The following DNASE1 variants were observed in gnomAD, a reference collection of about 807,000 sequenced individuals.
DNASE1 encodes deoxyribonuclease 1, also known as deoxyribonuclease-1.
Under a neutral mutation model 33.9 loss-of-function variants are expected in DNASE1, and 40 were observed. The observed-to-expected ratio is 1.18, with a 90% confidence interval of 0.92 to 1.54. The LOEUF is 1.54. DNASE1 is among the 40% of genes most tolerant of loss of function. The pLI is 0.00. For synonymous variants in DNASE1, 216 were observed against 160.0 expected, an observed-to-expected ratio of 1.35 and a Z score of -2.64; for missense variants, 518 against 372.6, an observed-to-expected ratio of 1.39 and a Z score of -3.21.
At position 3,655,262 on chromosome 16, in the gene DNASE1, CCT is replaced by C. The variant is rs912214846; in HGVS notation, c.-1-110_-1-109del. On this transcript the variant is annotated intron_variant, in intron 1 of 8. Transcript: ENST00000246949. Reference sequence around the variant, plus strand: ...AAAGGGTTTCCCCCGCCTGCGTCCCCCTGACCTTGAGCTCCACCAGCCCCTGC... The same window carrying C: ...AAAGGGTTTCCCCCGCCTGCGTCCCCGACCTTGAGCTCCACCAGCCCCTGC... The C allele has an allele frequency of 1.6e-4, 231 of 1,487,884 alleles. 3 individuals are homozygous for C. The Admixed American group carries it at 4.2e-3, about 27-fold the overall frequency. The allele number at this position is 1,487,884 out of a possible 1,614,324, so 92.2% of individuals were successfully genotyped here.
chr16:3,615,589 CAG>C (rs2041073200), intron 1 of DNASE1, among the ~76,000 whole-genome samples: 1 of 152,190 alleles, frequency 6.6e-6, no homozygotes. Context: ...AAGAAGATGT[CAG>C]ATACTAAAAG....
intron 1 of DNASE1, among the ~76,000 whole-genome samples, chr16:3,613,432 C>T (rs1424417107): frequency 1.3e-5 from 2 of 152,104 alleles, no homozygotes; most frequent in Non-Finnish European, 2.9e-5. Context: ...TATGAACATT[C>T]GTGTTCATAA....
chr16:3,638,649 T>A (rs2041947063), upstream of DNASE1, among the ~76,000 whole-genome samples: 1 of 152,216 alleles, frequency 6.6e-6, no homozygotes, highest in African/African-American at 2.4e-5. Context: ...CTGTTTGGGT[T>A]TTATTGACTT....
chr16:3,656,511 ATGGGT>A, intron 4 of DNASE1, 122 bp from the exon 5 acceptor site: 1 of 693,180 alleles, frequency 1.4e-6, no homozygotes, highest in Non-Finnish European at 2.6e-6. Flanking sequence ...TCCCGGACCA[ATGGGT>A]TGAGCAGGTG....
At chr16:3,627,450 A>T (rs890243774) in intron 1 of DNASE1, among the ~76,000 whole-genome samples, 1 of 150,846 alleles carries the variant, frequency 6.6e-6, no homozygotes. Flanking sequence ...TTTATTTTTT[A>T]TTTTTTTATA....
At position 3,643,591 on chromosome 16, in the gene DNASE1, C is replaced by T. The variant is rs79625067; in HGVS notation, c.-86+555C>T. On this transcript the variant is annotated intron_variant, in intron 1 of 9. Coordinates refer to the DNASE1 transcript ENST00000407479. ...TGTCGGGGGACATGTCCAGACCCTCCGCCCTTCTGTCACGCACAGTCCCTG... is the reference window on the plus strand; with the variant it reads ...TGTCGGGGGACATGTCCAGACCCTCTGCCCTTCTGTCACGCACAGTCCCTG... 3.5e-3 allele frequency among the ~76,000 whole-genome samples: 539 copies of T among 152,310 alleles called. 2 individuals carry two copies. Among genetic ancestry groups the T allele is most frequent in the African/African-American group, 0.012 (514 of 41,576 alleles).
chr16:3,627,914 T>C (rs2041566300), intron 1 of DNASE1, among the ~76,000 whole-genome samples: 2 of 139,408 alleles, frequency 1.4e-5, no homozygotes, highest in Non-Finnish European at 3.0e-5. Flanking sequence ...CATATGAATT[T>C]CAGCATGTAT....
At chr16:3,619,358 T>C (rs2041222300) in intron 1 of DNASE1, among the ~76,000 whole-genome samples, 1 of 142,596 alleles carries the variant, frequency 7.0e-6, no homozygotes, top group South Asian at 2.2e-4. Flanking sequence ...TCTTTCTTTC[T>C]TTTATTTTTT....
intron 1 of DNASE1, among the ~76,000 whole-genome samples, chr16:3,644,920 G>A (rs896500283): frequency 3.3e-5 from 5 of 151,700 alleles, no homozygotes; most frequent in Non-Finnish European, 7.4e-5. Context: ...CTTGGGCTTA[G>A]GAGTTCGAGA....
intron 2 of DNASE1, 108 bp from the exon 3 acceptor site, chr16:3,655,741 G>A (rs544765759): frequency 1.3e-4 from 196 of 1,473,910 alleles, no homozygotes; most frequent in South Asian, 1.2e-3. Context: ...ATGAGGCTGC[G>A]GTTAAACCGA....
In DNASE1 at chr16:3,657,926, C is replaced by G; in HGVS notation, c.822C>G (p.His274Gln). The change falls in exon 9 of 9, where the codon CAC (histidine) becomes CAG (glutamine). Residue 274 changes from histidine (H) to glutamine (Q), a missense_variant. His to Gln is a conservative substitution (Grantham distance 24). Coordinates refer to ENST00000246949, the MANE Select transcript of DNASE1 (RefSeq NM_005223.4). ...TGCAGGCCCAAGCCATCAGTGACCACTATCCAGTGGAGGTGATGCTGAAGT... is the reference window on the plus strand; with the variant it reads ...TGCAGGCCCAAGCCATCAGTGACCAGTATCCAGTGGAGGTGATGCTGAAGT... ...SDQLAQAISD[H>Q]YPVEVMLK The G allele has an allele frequency of 6.2e-7, 1 of 1,613,218 alleles. No homozygotes were observed. Among genetic ancestry groups the G allele is most frequent in the Non-Finnish European group, 8.5e-7 (1 of 1,179,186 alleles).
At chr16:3,658,315 C>G (rs117036567), downstream of DNASE1, 63,403 of 1,142,120 alleles carry the variant, frequency 0.056, 2,021 homozygotes, top group Admixed American at 0.062. Context: ...CTCACTGTTG[C>G]CGAGGCTGGA....
chr16:3,628,043 T>C (rs1186248844), intron 1 of DNASE1, among the ~76,000 whole-genome samples: 2 of 151,906 alleles, frequency 1.3e-5, no homozygotes, highest in Admixed American at 6.6e-5. Flanking sequence ...TATTAAGATA[T>C]CTTGTCTTAA....
chr16:3,655,969 G>A (rs1253379884), intron 3 of DNASE1, 32 bp downstream of exon 3: 2 of 1,613,594 alleles, frequency 1.2e-6, no homozygotes, highest in Middle Eastern at 1.6e-4. Flanking sequence ...ATAGGAAGGT[G>A]ACATCTCGTC....
At chr16:3,664,442 C>A in exon 10 of DNASE1, 4 of 1,611,504 alleles carry the variant, frequency 2.5e-6, no homozygotes. Context: ...CGTAGCGCAG[C>A]AGCTTTGCTA....
exon 10 of DNASE1, chr16:3,663,443 C>T (rs2050737434): frequency 6.2e-7 from 1 of 1,614,140 alleles, no homozygotes; most frequent in Non-Finnish European, 8.5e-7. Context: ...TGTCCTCAAA[C>T]TTCTCCTCCT....
Position 3,655,523 on chromosome 16 carries a change from G to A in DNASE1, c.147+3G>A, listed in dbSNP as rs763190517. On this transcript the variant is annotated splice_donor_region_variant and intron_variant, in intron 2 of 8. Transcript: ENST00000246949. ...CCCTCGTCAGCTACATTGTGCAGGT[G>A]AGGCCAGGGCAGCCTCCCCCCAAAA... The A allele has an allele frequency of 6.2e-7, 1 of 1,614,078 alleles. No individual in the cohort carries two copies. Among genetic ancestry groups the A allele is most frequent in the East Asian group, 2.2e-5 (1 of 44,878 alleles).
chr16:3,626,149 G>A (rs1438924664), intron 1 of DNASE1, among the ~76,000 whole-genome samples: 4 of 151,854 alleles, frequency 2.6e-5, no homozygotes, highest in Non-Finnish European at 4.4e-5. Context: ...TGATGTGCAC[G>A]GGACTAGTAT....
exon 10 of DNASE1, chr16:3,663,459 T>C: frequency 6.2e-7 from 1 of 1,614,190 alleles, no homozygotes; most frequent in East Asian, 2.2e-5. Context: ...CTCCTTGTAG[T>C]GATCCACGAC....
Sources: allele counts gnomAD v4.1 joint callset (sites outside exome capture counted in the v4.1 genomes callset), GRCh38; gene constraint gnomAD v4.1.1; transcripts MANE v1.5; gene names NCBI Gene and HGNC (gene_info 2026-07-23, HGNC 2026-07-21).